SYDE2: variants seen among roughly 807,000 people sequenced by gnomAD.
SYDE2 encodes synapse defective Rho GTPase homolog 2, also known as rho GTPase-activating protein SYDE2.
SYDE2 carries 76 observed loss-of-function variants against 91.5 expected under a neutral mutation model. The observed-to-expected ratio is 0.83, with a 90% CI of 0.69 to 1.01. SYDE2 has a LOEUF of 1.01. SYDE2 is among the 50% of genes least tolerant of loss of function. SYDE2 has a pLI of 0.00. For missense variants in SYDE2, 1,364 were observed against 1,367.7 expected (o/e 1.00, Z 0.04); for synonymous variants, 513 against 506.4 (o/e 1.01, Z -0.18).
Position 85,174,438 on chromosome 1 carries a change from G to A in SYDE2, c.2671+3708C>T, listed in dbSNP as rs977392716. ...GACCATATTCTGGGCTTCAAAATAAGCCTAAATAAATACAAAAGCATTTAG... is the reference window on the plus strand; with the variant it reads ...GACCATATTCTGGGCTTCAAAATAAACCTAAATAAATACAAAAGCATTTAG... On this transcript the variant is annotated intron_variant, in intron 4 of 6. Transcript: ENST00000341460. Among the ~76,000 whole-genome samples, 10 of 151,796 alleles carry A rather than the reference G, an allele frequency of 6.6e-5. No individual in the cohort carries two copies. In the East Asian group the frequency reaches 1.7e-3, roughly 26 times the overall value.
chr1:85,200,952 C>T lies in SYDE2; in HGVS notation c.45G>A (p.Arg15=). ...PPDSGARRGG[R]GLADHSFPAG... is the part of the protein sequence containing the mutation. Reference sequence around the variant, plus strand: ...CGGGGAAGCTGTGATCCGCCAAGCCCCTGCCGCCCCGCCGCGCGCCCGAGT... The same window carrying T: ...CGGGGAAGCTGTGATCCGCCAAGCCTCTGCCGCCCCGCCGCGCGCCCGAGT... Residue 15 remains arginine, a synonymous_variant, in exon 1 of 7, where the codon AGG becomes AGA. Coordinates refer to ENST00000341460, the MANE Select transcript of SYDE2 (RefSeq NM_032184.2). 1 of 1,295,216 alleles carries T rather than the reference C, an allele frequency of 7.7e-7. No individual in the cohort carries two copies. The allele number at this position is 1,295,216 out of a possible 1,614,324, so 80.2% of individuals were successfully genotyped here.
Position 85,158,017 on chromosome 1 carries a change from A to G in SYDE2, c.*733T>C, listed in dbSNP as rs1656922049. 6.6e-6 allele frequency: 1 copy of G among 152,174 alleles called. No individual in the cohort carries two copies. Among genetic ancestry groups the G allele is most frequent in the African/African-American group, 2.4e-5 (1 of 41,436 alleles). 9.4% of individuals were successfully genotyped at this position (152,174 alleles called of 1,614,324 possible). A position where few individuals can be genotyped will look rare whatever the true frequency, so the allele number is the denominator to read the frequency against. On this transcript the variant is annotated 3_prime_UTR_variant, in exon 7 of 7. Coordinates refer to ENST00000341460, the MANE Select transcript of SYDE2 (RefSeq NM_032184.2). Reference sequence around the variant, plus strand: ...TTGCATTACAAATAAAATTTGACCAAAGGATGTTGCAGTGTACCAGGACCA... The same window carrying G: ...TTGCATTACAAATAAAATTTGACCAGAGGATGTTGCAGTGTACCAGGACCA...
chr1:85,185,175 T>C (rs925029876), intron 2 of SYDE2, among the ~76,000 whole-genome samples: 3 of 148,164 alleles, frequency 2.0e-5, no homozygotes, highest in Non-Finnish European at 3.0e-5. Flanking sequence ...ATTTTAATTA[T>C]ATATTATCAT....
At chr1:85,168,190 CA>C (rs544381237) in intron 5 of SYDE2, among the ~76,000 whole-genome samples, 1 of 151,546 alleles carries the variant, frequency 6.6e-6, no homozygotes, top group South Asian at 2.1e-4. Flanking sequence ...CCTTAAACTT[CA>C]CCCCACCCTT....
intron 1 of SYDE2, among the ~76,000 whole-genome samples, chr1:85,199,079 G>C (rs949198132): frequency 6.6e-5 from 10 of 152,162 alleles, no homozygotes; most frequent in African/African-American, 2.4e-4. Flanking sequence ...TGTTTGATAA[G>C]AAGTTTTGTG....
intron 6 of SYDE2, among the ~76,000 whole-genome samples, chr1:85,159,653 T>C (rs1339298046): frequency 2.0e-5 from 3 of 152,200 alleles, no homozygotes; most frequent in African/African-American, 7.2e-5. Context: ...AGAAGTTCCT[T>C]TGTCTGCAAA....
Position 85,157,808 on chromosome 1 carries a change from G to A in SYDE2, c.*942C>T, listed in dbSNP as rs1656917292. On this transcript the variant is annotated 3_prime_UTR_variant, in exon 7 of 7. Transcript: ENST00000341460. The stretch of plus-strand genomic sequence containing the variant: ...ACATATATACTTTAAAAATACATGT[G>A]ATTCTACAATAACCCCTCCCCCATC... 1 of 151,856 alleles carries A rather than the reference G, an allele frequency of 6.6e-6. No homozygotes were observed. The highest frequency in any genetic ancestry group is 2.4e-5 in the African/African-American group (1 of 41,320). The allele number at this position is 151,856 out of a possible 1,614,324, so 9.4% of individuals were successfully genotyped here. A position where few individuals can be genotyped will look rare whatever the true frequency, so the allele number is the denominator to read the frequency against.
At chr1:85,198,222 G>T (rs375788869) in intron 1 of SYDE2, among the ~76,000 whole-genome samples, 16 of 152,224 alleles carry the variant, frequency 1.1e-4, no homozygotes, top group African/African-American at 3.9e-4. Context: ...CCAACTGAGT[G>T]ATCTTGGGCA....
intron 3 of SYDE2, among the ~76,000 whole-genome samples, chr1:85,179,181 G>C (rs1657821325): frequency 6.6e-6 from 1 of 152,114 alleles, no homozygotes; most frequent in South Asian, 2.1e-4. Context: ...AGAAAGCTCA[G>C]TCACTTTGAA....
chr1:85,183,764 G>C (rs149558098), intron 2 of SYDE2, among the ~76,000 whole-genome samples: 80 of 152,218 alleles, frequency 5.3e-4, no homozygotes, highest in African/African-American at 1.8e-3. Context: ...AAACATTCTA[G>C]AGTTAATCGG....
downstream of SYDE2, chr1:85,154,334 A>C (rs1770694): frequency 6.8e-6 from 1 of 146,104 alleles, no homozygotes; most frequent in African/African-American, 2.6e-5. Flanking sequence ...TACATAATCT[A>C]AAATTTTCCA....
intron 4 of SYDE2, among the ~76,000 whole-genome samples, chr1:85,171,595 T>A (rs1308361437): frequency 6.6e-6 from 1 of 152,164 alleles, no homozygotes; most frequent in Non-Finnish European, 1.5e-5. Context: ...TGGAGCCCCA[T>A]GCCAGCCATA....
At chr1:85,166,809 T>A (rs188053489) in intron 5 of SYDE2, among the ~76,000 whole-genome samples, 2 of 152,186 alleles carry the variant, frequency 1.3e-5, no homozygotes, top group African/African-American at 4.8e-5. Context: ...AACAACACAC[T>A]ACACCTGGTT....
chr1:85,174,754 G>A (rs906617856), intron 4 of SYDE2, among the ~76,000 whole-genome samples: 6 of 151,656 alleles, frequency 4.0e-5, no homozygotes, highest in African/African-American at 1.5e-4. Flanking sequence ...GGGTTGCTAA[G>A]TCTATGACCA....
At chr1:85,186,055 A>T (rs1191832224) in intron 2 of SYDE2, among the ~76,000 whole-genome samples, 2 of 151,548 alleles carry the variant, frequency 1.3e-5, no homozygotes, top group African/African-American at 2.4e-5. Flanking sequence ...TGAGATAATC[A>T]TGTGGTTTTT....
In SYDE2 at chr1:85,200,334, T is replaced by C; in HGVS notation, c.663A>G (p.Ala221=). 4 of 1,614,008 alleles carry C rather than the reference T, an allele frequency of 2.5e-6. No individual in the cohort carries two copies. Among genetic ancestry groups the C allele is most frequent in the Non-Finnish European group, 2.5e-6 (3 of 1,179,896 alleles). Residue 221 remains alanine (A), a synonymous_variant, in exon 1 of 7, where the codon GCA becomes GCG. Coordinates refer to ENST00000341460, the MANE Select transcript of SYDE2 (RefSeq NM_032184.2). ...TCAAAGCGCCCACATTTGGGGAGGCTGCCTGCGTTCCTGTGACTTTGGGAG... is the reference window on the plus strand; with the variant it reads ...TCAAAGCGCCCACATTTGGGGAGGCCGCCTGCGTTCCTGTGACTTTGGGAG... ...GTAPKVTGTQ[A]ASPNVGALKV...
At position 85,200,800 on chromosome 1, in the gene SYDE2, T is replaced by C. The variant is rs1477443226; in HGVS notation, c.197A>G (p.Gln66Arg). Residue 66 changes from glutamine (Q) to arginine (R), a missense_variant, in exon 1 of 7, where the codon CAG (glutamine) becomes CGG (arginine). Coordinates refer to ENST00000341460, the MANE Select transcript of SYDE2 (RefSeq NM_032184.2). The stretch of plus-strand genomic sequence containing the variant: ...CAGCTGGCCTCCCCGCGGCTCCCTC[T>C]GAGGCGACCGGGGCGGGGACACCTG... ...RQQVSPPRSP[Q>R]REPRGGQLRT... 5.4e-6 allele frequency: 8 copies of C among 1,470,402 alleles called. No individual in the cohort carries two copies. The highest frequency in any genetic ancestry group is 1.3e-5 in the South Asian group (1 of 76,676). 91.1% of individuals were successfully genotyped at this position (1,470,402 alleles called of 1,614,324 possible).
intron 6 of SYDE2, among the ~76,000 whole-genome samples, chr1:85,162,105 G>C (rs574848923): frequency 1.3e-5 from 2 of 151,896 alleles, no homozygotes; most frequent in Non-Finnish European, 2.9e-5. Flanking sequence ...TTGAAGACAG[G>C]ATTTTTCAAA....
intron 2 of SYDE2, among the ~76,000 whole-genome samples, chr1:85,186,085 T>C (rs1658127585): frequency 6.6e-6 from 1 of 152,078 alleles, no homozygotes; most frequent in African/African-American, 2.4e-5. Context: ...TCTGTTTATA[T>C]GCTGGATTAC....
Sources: gnomAD v4.1 joint callset for allele counts (sites outside exome capture counted in the v4.1 genomes callset) on GRCh38, gnomAD v4.1.1 for gene constraint, MANE v1.5 for transcripts, NCBI Gene and HGNC (gene_info 2026-07-23, HGNC 2026-07-21) for gene names.